The following DOT1L variants were observed in gnomAD, a reference collection of about 807,000 sequenced individuals.
DOT1L encodes histone-lysine N-methyltransferase, H3 lysine-79 specific.
Under a neutral mutation model 153.3 loss-of-function variants are expected in DOT1L, and 33 were observed. The ratio of observed to expected loss-of-function variants is 0.22; its 90% CI spans 0.16 to 0.29. The LOEUF is 0.29. Ranked by LOEUF, DOT1L falls within the 10% of genes least tolerant of loss-of-function variation. The probability of loss-of-function intolerance (pLI) is 1.00; values close to 1 mark genes in which losing one functional copy is unlikely to be tolerated. For missense variants in DOT1L, 1,847 were observed against 2,119.9 expected, an observed-to-expected ratio of 0.87 and a Z score of 2.53; for synonymous variants, 1,135 against 965.1, an observed-to-expected ratio of 1.18 and a Z score of -3.26.
chr19:2,218,043 C>G lies in DOT1L; in HGVS notation c.2691+125C>G. ...AATGTCGAGCGTGAGGCAATGCAGT[C>G]AAGGTGGGCTGTCCAAAGCCGGGGC... is the stretch of plus-strand genomic sequence containing the variant. On this transcript the variant is annotated intron_variant, in intron 22 of 27. Coordinates refer to ENST00000398665, the MANE Select transcript of DOT1L (RefSeq NM_032482.3). The G allele has an allele frequency of 3.6e-6, 5 of 1,377,320 alleles. No homozygotes were observed. The South Asian group carries it at 5.6e-5, about 16-fold the overall frequency. The allele number at this position is 1,377,320 out of a possible 1,614,324, so 85.3% of individuals were successfully genotyped here.
intron 27 of DOT1L, 49 bp downstream of exon 27, chr19:2,227,176 G>T: frequency 6.3e-7 from 1 of 1,582,520 alleles, no homozygotes; most frequent in Non-Finnish European, 8.5e-7. Context: ...CCCCGCCGGA[G>T]GCCCCTTCCT....
At chr19:2,223,529 G>GCCCCTGCT in intron 25 of DOT1L, 43 bp downstream of exon 25, 3 of 1,286,434 alleles carry the variant, frequency 2.3e-6, no homozygotes, top group Non-Finnish European at 3.1e-6. Flanking sequence ...TGGCAGCAGG[G>GCCCCTGCT]GCAGGAGGTG....
chr19:2,173,985 C>T (rs990836252), intron 1 of DOT1L, among the ~76,000 whole-genome samples: 1 of 152,210 alleles, frequency 6.6e-6, no homozygotes, highest in Admixed American at 6.5e-5. Flanking sequence ...TTGAGACAAA[C>T]TCTGTCACCC....
chr19:2,202,548 C>T (rs921862165), intron 8 of DOT1L, 152 bp from the exon 9 acceptor site: 31 of 695,152 alleles, frequency 4.5e-5, no homozygotes, highest in African/African-American at 1.6e-4. Context: ...CTGAAACCCA[C>T]GGCGTGCGCT....
intron 25 of DOT1L, among the ~76,000 whole-genome samples, chr19:2,224,376 C>T (rs999922819): frequency 6.6e-6 from 1 of 152,214 alleles, no homozygotes; most frequent in Non-Finnish European, 1.5e-5. Flanking sequence ...GTCCTCAGTC[C>T]CCACATCCTC....
chr19:2,226,360 A>G lies in DOT1L; in HGVS notation c.3839A>G (p.Glu1280Gly). 1 of 1,593,900 alleles carries G rather than the reference A, an allele frequency of 6.3e-7. No homozygotes were observed. Among genetic ancestry groups the G allele is most frequent in the South Asian group, 1.1e-5 (1 of 88,936 alleles). The change falls in exon 27 of 28, where the codon GAG becomes GGG. Residue 1280 changes from glutamate to glycine, a missense_variant. Physicochemically the swap from Glu to Gly is moderately conservative, Grantham distance 98. Transcript: ENST00000398665. The part of the protein sequence containing the change: ...NSLFTFRPAL[E>G]EPSADAKLAA... ...CTGTTCACGTTCCGGCCCGCCCTGGAGGAGCCCTCTGCCGATGCCAAGCTG... is the reference window on the plus strand; with the variant it reads ...CTGTTCACGTTCCGGCCCGCCCTGGGGGAGCCCTCTGCCGATGCCAAGCTG...
At chr19:2,216,086 CG>C in intron 19 of DOT1L, 194 bp from the exon 20 acceptor site, 1 of 660,608 alleles carries the variant, frequency 1.5e-6, no homozygotes, top group Non-Finnish European at 2.5e-6. Flanking sequence ...AAACCATCCT[CG>C]GCCCTCCACA....
Position 2,226,650 on chromosome 19 carries a change from G to T in DOT1L, c.4129G>T (p.Ala1377Ser), listed in dbSNP as rs745638118. Residue 1377 changes from alanine to serine, a missense_variant, in exon 27 of 28, where the codon GCT becomes TCT. Ala to Ser is a moderately conservative substitution (Grantham distance 99). Coordinates refer to ENST00000398665, the MANE Select transcript of DOT1L (RefSeq NM_032482.3). ...FLSKRQLDGL[A>S]GLKGEGSRGK... ...GAGCAAGAGGCAGCTGGACGGCCTG[G>T]CTGGGCTGAAGGGCGAGGGCAGCCG... The T allele has an allele frequency of 2.0e-5, 31 of 1,585,950 alleles. No individual in the cohort carries two copies. The highest frequency in any genetic ancestry group is 2.6e-5 in the Non-Finnish European group (30 of 1,169,908).
intron 7 of DOT1L, among the ~76,000 whole-genome samples, chr19:2,199,299 G>T (rs1359291747): frequency 6.6e-6 from 1 of 152,204 alleles, no homozygotes; most frequent in Non-Finnish European, 1.5e-5. Flanking sequence ...CAGGGCAGAC[G>T]CCCCCAGGGA....
intron 3 of DOT1L, among the ~76,000 whole-genome samples, chr19:2,186,805 G>A (rs1389444971): frequency 6.6e-6 from 1 of 152,238 alleles, no homozygotes; most frequent in East Asian, 1.9e-4. Flanking sequence ...TGGATTTCAC[G>A]CCACCTGCCT....
At position 2,226,454 on chromosome 19, in the gene DOT1L, C is replaced by T; in HGVS notation, c.3933C>T (p.Asn1311=). 1 of 1,601,916 alleles carries T rather than the reference C, an allele frequency of 6.2e-7. No homozygotes were observed. The highest frequency in any genetic ancestry group is 8.5e-7 in the Non-Finnish European group (1 of 1,179,520). The part of the protein sequence containing the change: ...SGADGLSPGT[N]PANGCTFGGG... ...CTGACGGACTCAGCCCGGGCACCAACCCTGCCAACGGCTGCACCTTCGGCG... is the reference window on the plus strand; with the variant it reads ...CTGACGGACTCAGCCCGGGCACCAATCCTGCCAACGGCTGCACCTTCGGCG... Residue 1311 remains asparagine (N), a synonymous_variant, in exon 27 of 28, where the codon AAC becomes AAT. Coordinates refer to ENST00000398665, the MANE Select transcript of DOT1L (RefSeq NM_032482.3).
intron 3 of DOT1L, among the ~76,000 whole-genome samples, chr19:2,187,680 TG>T (rs1425019158): frequency 3.9e-5 from 6 of 152,206 alleles, no homozygotes; most frequent in Admixed American, 2.6e-4. Flanking sequence ...CCCAGCACTT[TG>T]GGAGGCCGAG....
intron 7 of DOT1L, 110 bp downstream of exon 7, chr19:2,194,687 G>GGCTGTTGGCACATC: frequency 7.9e-7 from 1 of 1,261,048 alleles, no homozygotes; most frequent in African/African-American, 1.5e-5. Flanking sequence ...GTTGGCACAT[G>GGCTGTTGGCACATC]GTGTGCCCCC....
chr19:2,211,806 C>T lies in DOT1L; in HGVS notation c.1521C>T (p.Tyr507=), dbSNP rs760116210. The T allele has an allele frequency of 1.9e-6, 3 of 1,573,758 alleles. No homozygotes were observed. Among genetic ancestry groups the T allele is most frequent in the South Asian group, 2.3e-5 (2 of 85,716 alleles). ...TGGCATACACAAAGACCCCCCAGTA[C>T]AAGGCCAGCCTGCAGGAGCTGCTGG... The part of the protein sequence containing the change: ...QFLAYTKTPQ[Y]KASLQELLGQ... The change falls in exon 16 of 28, where the codon TAC becomes TAT. Residue 507 remains tyrosine, a synonymous_variant. Transcript: ENST00000398665.
At chr19:2,198,795 G>A (rs977709650) in intron 7 of DOT1L, among the ~76,000 whole-genome samples, 1 of 152,202 alleles carries the variant, frequency 6.6e-6, no homozygotes, top group Non-Finnish European at 1.5e-5. Flanking sequence ...CACAGAAACA[G>A]GATCACACAC....
At chr19:2,211,960 C>T in intron 16 of DOT1L, 118 bp downstream of exon 16, 2 of 864,642 alleles carry the variant, frequency 2.3e-6, no homozygotes, top group Non-Finnish European at 1.7e-6. Context: ...GGGCTCCCTC[C>T]TCTGCTCACC....
rs1186623970 is a variant in DOT1L, at chr19:2,190,082, T to C, written c.264+287T>C. On this transcript the variant is annotated intron_variant, in intron 4 of 27. Transcript: ENST00000398665. The surrounding 1 kb of genome is among the most constrained non-coding windows in gnomAD (Gnocchi z 4.8). ...ACACGCCTCTGCAGCCCTGGGTTGGTGTCCGCAGGTCCCAGCAGAGGCGGG... is the reference window on the plus strand; with the variant it reads ...ACACGCCTCTGCAGCCCTGGGTTGGCGTCCGCAGGTCCCAGCAGAGGCGGG... Among the ~76,000 whole-genome samples the C allele has an allele frequency of 6.6e-6, 1 of 152,120 alleles. No individual in the cohort carries two copies. Among genetic ancestry groups the C allele is most frequent in the African/African-American group, 2.4e-5 (1 of 41,414 alleles).
chr19:2,210,882 CG>C (rs2023684973), intron 14 of DOT1L, 27 bp downstream of exon 14: 1 of 1,607,702 alleles, frequency 6.2e-7, no homozygotes, highest in African/African-American at 1.3e-5. Flanking sequence ...CCACGGCCCC[CG>C]CTCTCCCCGA....
intron 9 of DOT1L, among the ~76,000 whole-genome samples, 168 bp downstream of exon 9, chr19:2,202,947 A>G (rs1222601242): frequency 6.6e-6 from 1 of 151,828 alleles, no homozygotes; most frequent in Admixed American, 6.6e-5. Flanking sequence ...TTATTGAGAC[A>G]GTTTTCCTCT....
Sources: allele counts gnomAD v4.1 joint callset (sites outside exome capture counted in the v4.1 genomes callset), GRCh38; gene constraint gnomAD v4.1.1; non-coding constraint Gnocchi (gnomAD v3.1); transcripts MANE v1.5; gene names NCBI Gene and HGNC (gene_info 2026-07-23, HGNC 2026-07-21).